The following RP1 variants were observed in gnomAD, a reference collection of about 807,000 sequenced individuals.
The protein encoded by RP1 is oxygen-regulated protein 1.
RP1 carries 16 observed loss-of-function variants against 14.8 expected under a neutral mutation model. The observed-to-expected ratio is 1.08, with a 90% CI of 0.73 to 1.65. The LOEUF (loss-of-function observed/expected upper bound fraction) is 1.65. Ranked by LOEUF, RP1 falls within the 40% of genes most tolerant of loss-of-function variation. The pLI is 0.00. For synonymous variants in RP1, 876 were observed against 883.6 expected (o/e 0.99, Z 0.15); for missense variants, 2,631 against 2,535.0 (o/e 1.04, Z -0.81).
At chr8:54,768,365 A>T (rs919304629) in intron 22 of RP1, among the ~76,000 whole-genome samples, 2 of 152,140 alleles carry the variant, frequency 1.3e-5, no homozygotes, top group Non-Finnish European at 2.9e-5. Context: ...ACTTTGTTAC[A>T]TTTATATCTT....
intron 17 of RP1, among the ~76,000 whole-genome samples, chr8:54,730,444 G>A (rs186911974): frequency 2.1e-4 from 32 of 151,936 alleles, no homozygotes; most frequent in Non-Finnish European, 3.5e-4. Context: ...TCTCCAAGTA[G>A]GAACCTGTCT....
intron 15 of RP1, among the ~76,000 whole-genome samples, chr8:54,719,395 A>G (rs1351467384): frequency 2.6e-5 from 4 of 152,220 alleles, no homozygotes; most frequent in Non-Finnish European, 4.4e-5. Flanking sequence ...AGAAGCTCAC[A>G]TTTGAGGGGA....
rs190639307 is a variant in RP1, at chr8:54,740,632, G to T, written c.2808+1603G>T. Reference sequence around the variant, plus strand: ...AGCTACTCAGGAGGCTGAGGCAGGAGAATTGCTTGAACCTGGGAGGTGGAG... The same window carrying T: ...AGCTACTCAGGAGGCTGAGGCAGGATAATTGCTTGAACCTGGGAGGTGGAG... On this transcript the variant is annotated intron_variant, in intron 19 of 22. Transcript: ENST00000636932. 6.2e-4 allele frequency among the ~76,000 whole-genome samples: 95 copies of T among 152,086 alleles called. No homozygotes were observed. In the East Asian group the frequency reaches 0.013, roughly 21 times the overall value.
At chr8:54,593,296 CA>C (rs1179504249) in intron 1 of RP1, among the ~76,000 whole-genome samples, 1 of 152,176 alleles carries the variant, frequency 6.6e-6, no homozygotes, top group African/African-American at 2.4e-5. Flanking sequence ...ATAGAACCAC[CA>C]TTTTATTTCA....
chr8:54,708,550 G>C (rs547240660), intron 15 of RP1, among the ~76,000 whole-genome samples: 2 of 151,848 alleles, frequency 1.3e-5, no homozygotes, highest in Non-Finnish European at 2.9e-5. Flanking sequence ...TAGTAGAGAC[G>C]GTGTTTCACC....
At chr8:54,735,572 C>A (rs2129356613) in intron 18 of RP1, among the ~76,000 whole-genome samples, 1 of 152,296 alleles carries the variant, frequency 6.6e-6, no homozygotes, top group South Asian at 2.1e-4. Flanking sequence ...GCTACAGTAC[C>A]TGGCAATCAC....
At chr8:54,783,836 A>C in intron 24 of RP1, 2 of 552,750 alleles carry the variant, frequency 3.6e-6, no homozygotes, top group Non-Finnish European at 2.7e-6. Flanking sequence ...TGCTTGGTGT[A>C]TGTGGCATGT....
intron 23 of RP1, among the ~76,000 whole-genome samples, chr8:54,783,357 T>C (rs976998194): frequency 1.3e-5 from 2 of 152,236 alleles, no homozygotes; most frequent in Non-Finnish European, 2.9e-5. Flanking sequence ...GTAGTTAAGC[T>C]ACAATATTTC....
intron 3 of RP1, among the ~76,000 whole-genome samples, chr8:54,645,193 G>A (rs922556118): frequency 1.3e-5 from 2 of 152,094 alleles, no homozygotes; most frequent in Non-Finnish European, 2.9e-5. Flanking sequence ...AAACTACAAT[G>A]AAAATTCATG....
intron 23 of RP1, among the ~76,000 whole-genome samples, chr8:54,780,552 G>A (rs111624401): frequency 2.6e-5 from 4 of 152,144 alleles, no homozygotes. Context: ...ACCAACAGCA[G>A]ATAAAAATAT....
intron 15 of RP1, among the ~76,000 whole-genome samples, chr8:54,716,157 C>T (rs77211315): frequency 0.037 from 5,572 of 152,118 alleles, 221 homozygotes; most frequent in African/African-American, 0.091. Context: ...AGAGTAGCTA[C>T]GAGATTACTA....
chr8:54,738,277 A>G (rs1033712183), intron 18 of RP1, among the ~76,000 whole-genome samples: 2 of 152,230 alleles, frequency 1.3e-5, no homozygotes, highest in African/African-American at 4.8e-5. Flanking sequence ...TTACAAAAAC[A>G]TATTTTACTC....
At chr8:54,571,547 T>C (rs1804523354) in intron 1 of RP1, among the ~76,000 whole-genome samples, 1 of 152,240 alleles carries the variant, frequency 6.6e-6, no homozygotes, top group Admixed American at 6.5e-5. Flanking sequence ...TGGTTCCACT[T>C]AGACCAGCTG....
intron 24 of RP1, among the ~76,000 whole-genome samples, chr8:54,785,548 G>T (rs1337522282): frequency 6.6e-6 from 1 of 151,794 alleles, no homozygotes; most frequent in African/African-American, 2.4e-5. Flanking sequence ...CATAAACTTG[G>T]GTATATACCT....
chr8:54,788,908 T>C (rs1422476139), intron 24 of RP1, among the ~76,000 whole-genome samples: 1 of 152,150 alleles, frequency 6.6e-6, no homozygotes, highest in East Asian at 1.9e-4. Context: ...CCCACAGAAA[T>C]GAGAAAAAGT....
chr8:54,799,680 T>C (rs1363990277), intron 24 of RP1, among the ~76,000 whole-genome samples: 2 of 151,976 alleles, frequency 1.3e-5, no homozygotes, highest in Non-Finnish European at 2.9e-5. Flanking sequence ...GGTTTCCCCA[T>C]GGTTTAGAGT....
chr8:54,809,737 C>G (rs1052823967), intron 24 of RP1, among the ~76,000 whole-genome samples: 3 of 152,186 alleles, frequency 2.0e-5, no homozygotes, highest in African/African-American at 7.2e-5. Flanking sequence ...TACATGCATG[C>G]CATTTGCCAT....
At chr8:54,633,755 A>ATATATATG (rs1563334889), downstream of RP1, among the ~76,000 whole-genome samples, 3 of 149,116 alleles carry the variant, frequency 2.0e-5, no homozygotes, top group Admixed American at 6.7e-5. Flanking sequence ...ATATATATAT[A>ATATATATG]TATATGAAAT....
chr8:54,855,002 G>T (rs936168323), intron 26 of RP1, among the ~76,000 whole-genome samples: 4 of 152,054 alleles, frequency 2.6e-5, no homozygotes, highest in Non-Finnish European at 5.9e-5. Context: ...CATGACTACC[G>T]TCCATCTCCA....
Sources: allele counts gnomAD v4.1 joint callset (sites outside exome capture counted in the v4.1 genomes callset), GRCh38; gene constraint gnomAD v4.1.1; transcripts MANE v1.5; gene names NCBI Gene and HGNC (gene_info 2026-07-23, HGNC 2026-07-21).